The following UBE2H variants were observed in gnomAD, a reference collection of about 807,000 sequenced individuals.
UBE2H encodes ubiquitin-conjugating enzyme E2 H.
UBE2H carries 3 observed loss-of-function variants against 29.0 expected under a neutral mutation model. The observed-to-expected ratio is 0.10, with a 90% CI of 0.05 to 0.27. The LOEUF (loss-of-function observed/expected upper bound fraction) is 0.27, where lower values mean the gene tolerates loss of function less well. Ranked by LOEUF, UBE2H falls within the 10% of genes least tolerant of loss-of-function variation. The pLI, the probability that UBE2H is intolerant of heterozygous loss-of-function variation, is 1.00. For synonymous variants in UBE2H, 69 were observed against 82.9 expected (o/e 0.83, Z 0.91); for missense variants, 68 against 228.2 (o/e 0.30, Z 4.52).
intron 3 of UBE2H, among the ~76,000 whole-genome samples, chr7:129,861,298 C>A (rs1424901156): frequency 6.6e-6 from 1 of 151,808 alleles, no homozygotes; most frequent in African/African-American, 2.4e-5. Flanking sequence ...ATTATTTGCT[C>A]TGTTTAAAAC....
chr7:129,881,162 A>C (rs1281004500), intron 1 of UBE2H, among the ~76,000 whole-genome samples, 191 bp from the exon 2 acceptor site: 1 of 152,222 alleles, frequency 6.6e-6, no homozygotes, highest in Non-Finnish European at 1.5e-5. Context: ...TGAGCTTTGG[A>C]TTCAGAGACG....
intron 1 of UBE2H, among the ~76,000 whole-genome samples, chr7:129,886,521 T>G (rs1443861038): frequency 6.6e-6 from 1 of 152,148 alleles, no homozygotes; most frequent in Non-Finnish European, 1.5e-5. Context: ...GGACCAAGGA[T>G]TCAGGGACCA....
intron 1 of UBE2H, among the ~76,000 whole-genome samples, chr7:129,942,395 G>A (rs1807665897): frequency 2.0e-5 from 3 of 152,106 alleles, no homozygotes; most frequent in African/African-American, 4.8e-5. Flanking sequence ...GCTGAGGCAG[G>A]AGAATCGCTT....
At chr7:129,921,676 C>T (rs7803795) in intron 1 of UBE2H, among the ~76,000 whole-genome samples, 26,402 of 115,982 alleles carry the variant, frequency 0.23, 2,773 homozygotes, top group African/African-American at 0.34. Context: ...CTAGCCTGGG[C>T]AACAAGAGAC....
chr7:129,927,358 C>A (rs1377918211), intron 1 of UBE2H, among the ~76,000 whole-genome samples: 2 of 152,028 alleles, frequency 1.3e-5, no homozygotes, highest in South Asian at 2.1e-4. Context: ...TGGCCAAGAT[C>A]GTGAAACCCC....
chr7:129,923,967 A>G (rs1346153418), intron 1 of UBE2H, among the ~76,000 whole-genome samples: 2 of 152,246 alleles, frequency 1.3e-5, no homozygotes, highest in Non-Finnish European at 2.9e-5. Context: ...CCGTAACAAC[A>G]GCAAAAACTG....
chr7:129,883,287 G>A (rs1040876890), intron 1 of UBE2H, among the ~76,000 whole-genome samples: 3 of 152,178 alleles, frequency 2.0e-5, no homozygotes, highest in Non-Finnish European at 4.4e-5. Flanking sequence ...CACTGCTGGT[G>A]AGAGTGTGAT....
chr7:129,841,969 G>GA (rs985583977), intron 5 of UBE2H, among the ~76,000 whole-genome samples: 6 of 151,980 alleles, frequency 3.9e-5, no homozygotes, highest in Non-Finnish European at 8.8e-5. Context: ...TGTTTTCAAT[G>GA]AAAAAAATGC....
At chr7:129,952,312 A>G (rs1427071774) in intron 1 of UBE2H, among the ~76,000 whole-genome samples, 191 bp downstream of exon 1, 2 of 152,082 alleles carry the variant, frequency 1.3e-5, no homozygotes, top group African/African-American at 2.4e-5. Context: ...GGTGCTGCGG[A>G]GAAAAGGCGA....
chr7:129,926,163 A>G (rs962436590), intron 1 of UBE2H, among the ~76,000 whole-genome samples: 14 of 152,084 alleles, frequency 9.2e-5, no homozygotes, highest in African/African-American at 3.4e-4. Context: ...AAAGTCTATG[A>G]TTTTTTCTTT....
At chr7:129,858,218 G>T (rs952776181) in intron 4 of UBE2H, among the ~76,000 whole-genome samples, 1 of 152,118 alleles carries the variant, frequency 6.6e-6, no homozygotes, top group African/African-American at 2.4e-5. Flanking sequence ...ATAGATAAGA[G>T]AATATCCTTG....
At chr7:129,842,516 T>C (rs1272761700) in intron 5 of UBE2H, among the ~76,000 whole-genome samples, 1 of 152,226 alleles carries the variant, frequency 6.6e-6, no homozygotes, top group Admixed American at 6.5e-5. Context: ...CAATAAAACA[T>C]GAAAAGTCTG....
rs146480914 is a variant in UBE2H at position 129,850,793 on chromosome 7, C to T, written c.298+6718G>A. Among the ~76,000 whole-genome samples, 465 of 133,944 alleles carry T rather than the reference C, an allele frequency of 3.5e-3. 6 individuals carry two copies. The highest frequency in any genetic ancestry group is 0.012 in the African/African-American group (433 of 35,142). The allele number at this position is 133,944 out of a possible 152,430, so 87.9% of individuals were successfully genotyped here. A position where few individuals can be genotyped will look rare whatever the true frequency, so the allele number is the denominator to read the frequency against. ...TTGCGCCACTGCACTCCAGCCTGGG[C>T]GACAGAGTAAGACTCTGTCTCAAAA... On this transcript the variant is annotated intron_variant, in intron 5 of 6. Coordinates refer to ENST00000355621, the MANE Select transcript of UBE2H (RefSeq NM_003344.4).
chr7:129,938,384 T>A (rs1807571715), intron 1 of UBE2H, among the ~76,000 whole-genome samples: 1 of 111,314 alleles, frequency 9.0e-6, no homozygotes, highest in African/African-American at 3.5e-5. Flanking sequence ...CACTCCAGCG[T>A]GGGCAACAGA....
chr7:129,943,401 A>T (rs1228236067), intron 1 of UBE2H, among the ~76,000 whole-genome samples: 1 of 152,244 alleles, frequency 6.6e-6, no homozygotes, highest in Admixed American at 6.5e-5. Context: ...AATATTTCAC[A>T]ATAAAAATTT....
intron 6 of UBE2H, 152 bp downstream of exon 6, chr7:129,839,055 A>G: frequency 9.0e-7 from 1 of 1,117,042 alleles, no homozygotes; most frequent in Non-Finnish European, 1.3e-6. Flanking sequence ...CTGCCACCCG[A>G]GGTTGGTGAG....
chr7:129,941,088 G>A (rs564919146), intron 1 of UBE2H, among the ~76,000 whole-genome samples: 5 of 152,232 alleles, frequency 3.3e-5, no homozygotes, highest in African/African-American at 1.2e-4. Flanking sequence ...CCAAGTAGCC[G>A]GGACTACAGG....
intron 3 of UBE2H, among the ~76,000 whole-genome samples, chr7:129,877,995 T>G (rs562139490): frequency 6.6e-6 from 1 of 152,318 alleles, no homozygotes; most frequent in South Asian, 2.1e-4. Flanking sequence ...TTATGAAATG[T>G]ATCTGAATGA....
At chr7:129,940,279 C>T (rs1807615270) in intron 1 of UBE2H, among the ~76,000 whole-genome samples, 1 of 152,140 alleles carries the variant, frequency 6.6e-6, no homozygotes. Flanking sequence ...GGAGTATCTC[C>T]TACCTTCACA....
Sources: allele counts gnomAD v4.1 joint callset (sites outside exome capture counted in the v4.1 genomes callset), GRCh38; gene constraint gnomAD v4.1.1; transcripts MANE v1.5; gene names NCBI Gene and HGNC (gene_info 2026-07-23, HGNC 2026-07-21).